Variants in PSMA4 observed in about 807,000 individuals in gnomAD.
PSMA4 encodes the protein proteasome subunit alpha type-4.
A neutral mutation model predicts 37.2 loss-of-function variants in PSMA4; 8 were observed. The observed-to-expected ratio is 0.22, with a 90% CI of 0.13 to 0.39. The LOEUF (loss-of-function observed/expected upper bound fraction) is 0.39. Ranked by LOEUF, PSMA4 falls within the 10% of genes least tolerant of loss-of-function variation. PSMA4 has a pLI of 1.00. For synonymous variants in PSMA4, 93 were observed against 98.8 expected (o/e 0.94, Z 0.35); for missense variants, 169 against 305.1 (o/e 0.55, Z 3.32).
intron 8 of PSMA4, among the ~76,000 whole-genome samples, chr15:78,547,489 C>T (rs1356242063): frequency 2.0e-5 from 3 of 152,180 alleles, no homozygotes. Flanking sequence ...TTATTTTAAG[C>T]TCATGTTAGC....
At chr15:78,547,634 C>T (rs1399102091) in intron 8 of PSMA4, among the ~76,000 whole-genome samples, 1 of 146,200 alleles carries the variant, frequency 6.8e-6, no homozygotes, top group Non-Finnish European at 1.5e-5. Flanking sequence ...CCAGGAGTTC[C>T]AGATCAGCCT....
At position 78,545,581 on chromosome 15, in the gene PSMA4, A is replaced by G; in HGVS notation, c.377-53A>G. 20 of 1,578,150 alleles carry G rather than the reference A, an allele frequency of 1.3e-5. No individual in the cohort carries two copies. The South Asian group carries it at 2.2e-4, about 18-fold the overall frequency. Reference sequence around the variant, plus strand: ...ACCTTCACTGAGCTCAAGTAACTGTAGTGATACTAAATTTAGATTATTGAT... The same window carrying G: ...ACCTTCACTGAGCTCAAGTAACTGTGGTGATACTAAATTTAGATTATTGAT... On this transcript the variant is annotated intron_variant, in intron 6 of 8. Transcript: ENST00000044462.
chr15:78,548,218 C>G (rs972016800), intron 8 of PSMA4, among the ~76,000 whole-genome samples: 1 of 150,992 alleles, frequency 6.6e-6, no homozygotes, highest in African/African-American at 2.4e-5. Flanking sequence ...GCAACAAGAG[C>G]AAAACTCCAT....
chr15:78,551,982 G>A lies in PSMA4; in HGVS notation c.*3038G>A, dbSNP rs1305595359. ...TTTTGTTGAAATAAATTCATACTGTGAGGAAAAGCAAAAGATAGGAGGTGA... is the reference window on the plus strand; with the variant it reads ...TTTTGTTGAAATAAATTCATACTGTAAGGAAAAGCAAAAGATAGGAGGTGA... On this transcript the variant is annotated 3_prime_UTR_variant, in exon 9 of 9. Transcript: ENST00000044462. The A allele has an allele frequency of 1.3e-5, 2 of 152,176 alleles. No individual in the cohort carries two copies. Among genetic ancestry groups the A allele is most frequent in the African/African-American group, 4.8e-5 (2 of 41,426 alleles). The allele number at this position is 152,176 out of a possible 1,614,324, so 9.4% of individuals were successfully genotyped here.
intron 7 of PSMA4, among the ~76,000 whole-genome samples, chr15:78,546,268 A>AC (rs987997401): frequency 2.3e-4 from 35 of 151,862 alleles, no homozygotes; most frequent in African/African-American, 8.2e-4. Context: ...ACATAGCAGA[A>AC]CCCCATCTCT....
intron 8 of PSMA4, among the ~76,000 whole-genome samples, chr15:78,547,801 C>A (rs565426945): frequency 6.6e-6 from 1 of 151,944 alleles, no homozygotes; most frequent in African/African-American, 2.4e-5. Context: ...CATGCCACTG[C>A]ACTCCAGCGT....
intron 1 of PSMA4, 177 bp downstream of exon 1, chr15:78,540,716 C>T: frequency 6.6e-6 from 1 of 152,360 alleles, no homozygotes; most frequent in Non-Finnish European, 1.5e-5. Context: ...CCCCCGCCGG[C>T]CGCCGTCGGG....
chr15:78,548,037 T>C (rs1363625465), intron 8 of PSMA4, among the ~76,000 whole-genome samples: 3 of 151,466 alleles, frequency 2.0e-5, no homozygotes, highest in Non-Finnish European at 4.4e-5. Context: ...CAAGACCAGG[T>C]TGGCCAACAT....
chr15:78,545,578 T>C, intron 6 of PSMA4, 56 bp from the exon 7 acceptor site: 1 of 1,574,392 alleles, frequency 6.4e-7, no homozygotes, highest in Non-Finnish European at 8.7e-7. Context: ...CTCAAGTAAC[T>C]GTAGTGATAC....
At position 78,548,938 on chromosome 15, in the gene PSMA4, T is replaced by C; in HGVS notation, c.780T>C (p.Asp260=). 1 of 1,604,974 alleles carries C rather than the reference T, an allele frequency of 6.2e-7. No individual in the cohort carries two copies. Among genetic ancestry groups the C allele is most frequent in the African/African-American group, 1.3e-5 (1 of 74,238 alleles). The change falls in exon 9 of 9, where the codon GAT becomes GAC. Residue 260 remains aspartate, a synonymous_variant. Transcript: ENST00000044462. ...AAGAAAAAGAACAGAAAGAAAAGGATAAATAGAATCAGAGATTTTATTACT... is the reference window on the plus strand; with the variant it reads ...AAGAAAAAGAACAGAAAGAAAAGGACAAATAGAATCAGAGATTTTATTACT... ...EKKEKEQKEK[D]K
chr15:78,541,943 A>C lies in PSMA4; in HGVS notation c.3+13A>C, dbSNP rs1467079813. On this transcript the variant is annotated intron_variant, in intron 2 of 8. Transcript: ENST00000044462. ...TTCAGAAAACATGGTGAGTTAATAC[A>C]CATGCCAATAAACGGTTGCCTGATA... The C allele has an allele frequency of 6.3e-7, 1 of 1,595,180 alleles. No individual in the cohort carries two copies.
intron 5 of PSMA4, 105 bp downstream of exon 5, chr15:78,544,372 G>C: frequency 1.4e-6 from 1 of 691,608 alleles, no homozygotes; most frequent in Non-Finnish European, 2.3e-6. Flanking sequence ...CTGGAGTGCA[G>C]TGGCACGATC....
intron 8 of PSMA4, 120 bp from the exon 9 acceptor site, chr15:78,548,664 CATAGGA>C (rs1418631758): frequency 7.8e-7 from 1 of 1,278,372 alleles, no homozygotes; most frequent in East Asian, 2.5e-5. Flanking sequence ...AAGTATAAAA[CATAGGA>C]GAGTGCTGAA....
rs151288030 is a variant in PSMA4 at position 78,549,324 on chromosome 15, G to A, written c.*380G>A. ...GTTCCTCAGGCTGGCCAGATTATTC[G>A]TCTCTGTCTGCAGGAATTGGTTTGA... On this transcript the variant is annotated 3_prime_UTR_variant, in exon 9 of 9. Coordinates refer to ENST00000044462, the MANE Select transcript of PSMA4 (RefSeq NM_002789.6). The A allele has an allele frequency of 3.2e-5, 5 of 156,148 alleles. No individual in the cohort carries two copies. The highest frequency in any genetic ancestry group is 7.1e-5 in the Non-Finnish European group (5 of 70,742). 9.7% of individuals were successfully genotyped at this position (156,148 alleles called of 1,614,324 possible).
At position 78,549,566 on chromosome 15, in the gene PSMA4, G is replaced by GTT. The variant is rs2052614881; in HGVS notation, c.*622_*623insTT. On this transcript the variant is annotated 3_prime_UTR_variant, in exon 9 of 9. Coordinates refer to ENST00000044462, the MANE Select transcript of PSMA4 (RefSeq NM_002789.6). ...GGGTTTGTTCAACCTGAGTTCCCTT[G>GTT]GCTATCTGTGGCTTCATGACAGAAG... The GTT allele has an allele frequency of 6.6e-6, 1 of 152,306 alleles. No individual in the cohort carries two copies. The highest frequency in any genetic ancestry group is 1.5e-5 in the Non-Finnish European group (1 of 68,086). 9.4% of individuals were successfully genotyped at this position (152,306 alleles called of 1,614,324 possible).
rs397760194 is a variant in PSMA4 at position 78,550,500 on chromosome 15, T to TC, written c.*1557dup. 6.6e-6 allele frequency: 1 copy of TC among 151,204 alleles called. No individual in the cohort carries two copies. Among genetic ancestry groups the TC allele is most frequent in the East Asian group, 2.0e-4 (1 of 5,128 alleles). 9.4% of individuals were successfully genotyped at this position (151,204 alleles called of 1,614,324 possible). ...GGAACAACACTAAACAGTGTTTTTT[T>TC]CATAGAGACGGTGAGCAGGGAAGGT... is the stretch of plus-strand genomic sequence containing the variant. On this transcript the variant is annotated 3_prime_UTR_variant, in exon 9 of 9. Transcript: ENST00000044462.
At chr15:78,546,741 G>T in intron 8 of PSMA4, 43 bp downstream of exon 8, 1 of 1,551,318 alleles carries the variant, frequency 6.4e-7, no homozygotes. Flanking sequence ...CTGAGTGAGG[G>T]AAATTAGCAG....
intron 8 of PSMA4, among the ~76,000 whole-genome samples, chr15:78,548,188 G>A (rs899707352): frequency 1.9e-4 from 29 of 151,672 alleles, no homozygotes; most frequent in Non-Finnish European, 5.9e-5. Flanking sequence ...CCGAGTTTGC[G>A]CCATTGCACT....
chr15:78,542,123 G>T, intron 2 of PSMA4, 54 bp from the exon 3 acceptor site: 7 of 1,548,508 alleles, frequency 4.5e-6, no homozygotes, highest in Non-Finnish European at 6.2e-6. Context: ...TAGGCTTGCA[G>T]GAGTTGGCCT....
Sources: gnomAD v4.1 joint callset for allele counts (sites outside exome capture counted in the v4.1 genomes callset) on GRCh38, gnomAD v4.1.1 for gene constraint, MANE v1.5 for transcripts, NCBI Gene and HGNC (gene_info 2026-07-23, HGNC 2026-07-21) for gene names.